The following PTBP2 variants were observed in gnomAD, a reference collection of about 807,000 sequenced individuals.
PTBP2 encodes the protein polypyrimidine tract-binding protein 2.
Under a neutral mutation model 61.4 loss-of-function variants are expected in PTBP2, and 13 were observed. The observed-to-expected ratio is 0.21, with a 90% CI of 0.14 to 0.34. PTBP2 has a LOEUF of 0.34. Ranked by LOEUF, PTBP2 falls within the 10% of genes least tolerant of loss-of-function variation. The pLI is 1.00. For missense variants in PTBP2, 405 were observed against 642.6 expected (o/e 0.63, Z 4.00); for synonymous variants, 215 against 218.5 (o/e 0.98, Z 0.14).
intron 8 of PTBP2, among the ~76,000 whole-genome samples, chr1:96,787,349 C>G (rs1184680048): frequency 6.6e-6 from 1 of 152,130 alleles, no homozygotes; most frequent in Non-Finnish European, 1.5e-5. Context: ...GAGCGTTGTA[C>G]ATTTTTACAT....
chr1:96,750,575 A>G (rs1654414112), intron 2 of PTBP2, among the ~76,000 whole-genome samples: 1 of 152,130 alleles, frequency 6.6e-6, no homozygotes, highest in Middle Eastern at 3.4e-3. Flanking sequence ...GGACTTTCTG[A>G]AATGCTTTGA....
intron 8 of PTBP2, among the ~76,000 whole-genome samples, chr1:96,796,915 A>G (rs1243788835): frequency 6.6e-6 from 1 of 152,236 alleles, no homozygotes; most frequent in Admixed American, 6.5e-5. Context: ...GACCATTACA[A>G]AAAGAGACAG....
chr1:96,778,517 T>G (rs1484920046), intron 7 of PTBP2, among the ~76,000 whole-genome samples: 1 of 152,102 alleles, frequency 6.6e-6, no homozygotes, highest in Non-Finnish European at 1.5e-5. Flanking sequence ...AGGCTGCCAC[T>G]GAAAACTGCG....
chr1:96,763,628 G>GAGGGAT (rs1656308826), intron 3 of PTBP2, among the ~76,000 whole-genome samples: 1 of 123,940 alleles, frequency 8.1e-6, no homozygotes, highest in African/African-American at 3.0e-5. Flanking sequence ...GGGGGAGGGG[G>GAGGGAT]AGGGCTGTTC....
At position 96,791,826 on chromosome 1, in the gene PTBP2, C is replaced by CTTTTTTTTGTTTTTTTTTTGTTTT. The variant is rs1482989030; in HGVS notation, c.904+6580_904+6581insGTTTTTTTTTTGTTTTTTTTTTTT. ...TCCACCTCTGTTGCTTGGAGTTGTG[C>CTTTTTTTTGTTTTTTTTTTGTTTT]TTTTTTTTTTTTTTTTTTTTTTTGA... On this transcript the variant is annotated intron_variant, in intron 8 of 13. Coordinates refer to ENST00000674951, the MANE Select transcript of PTBP2 (RefSeq NM_021190.4). 1.8e-4 allele frequency among the ~76,000 whole-genome samples: 12 copies of CTTTTTTTTGTTTTTTTTTTGTTTT among 66,126 alleles called. 1 individual carries two copies. Among genetic ancestry groups the CTTTTTTTTGTTTTTTTTTTGTTTT allele is most frequent in the African/African-American group, 4.9e-4 (6 of 12,208 alleles). The allele number at this position is 66,126 out of a possible 152,430, so 43.4% of individuals were successfully genotyped here. A position where few individuals can be genotyped will look rare whatever the true frequency, so the allele number is the denominator to read the frequency against.
intron 3 of PTBP2, among the ~76,000 whole-genome samples, chr1:96,768,095 A>G (rs187598064): frequency 6.6e-6 from 1 of 152,220 alleles, no homozygotes; most frequent in African/African-American, 2.4e-5. Flanking sequence ...TAAAGTCATT[A>G]CTACTATCAA....
intron 2 of PTBP2, among the ~76,000 whole-genome samples, chr1:96,739,814 G>T (rs1295553896): frequency 6.6e-6 from 1 of 151,190 alleles, no homozygotes; most frequent in Admixed American, 6.6e-5. Flanking sequence ...TTTTAGTAGA[G>T]ACGGGGTTTC....
chr1:96,760,782 A>G (rs1347020634), intron 3 of PTBP2, among the ~76,000 whole-genome samples: 1 of 152,124 alleles, frequency 6.6e-6, no homozygotes, highest in Non-Finnish European at 1.5e-5. Context: ...ACATTAACCT[A>G]TTTTATGGTC....
chr1:96,725,464 T>C (rs1457306552), intron 2 of PTBP2, among the ~76,000 whole-genome samples: 2 of 152,076 alleles, frequency 1.3e-5, no homozygotes, highest in Non-Finnish European at 1.5e-5. Context: ...CACGCCCGGC[T>C]AATTTTTTGT....
intron 2 of PTBP2, among the ~76,000 whole-genome samples, chr1:96,742,774 G>A (rs1031722592): frequency 2.0e-5 from 3 of 149,982 alleles, no homozygotes; most frequent in Non-Finnish European, 4.4e-5. Context: ...TTTTTCTGTT[G>A]GATAATATTA....
chr1:96,800,391 C>T lies in PTBP2; in HGVS notation c.905-4409C>T, dbSNP rs547544085. Among the ~76,000 whole-genome samples the T allele has an allele frequency of 6.4e-5, 8 of 124,786 alleles. No homozygotes were observed. The East Asian group carries it at 2.0e-3, about 30-fold the overall frequency. The allele number at this position is 124,786 out of a possible 152,430, so 81.9% of individuals were successfully genotyped here. On this transcript the variant is annotated intron_variant, in intron 8 of 13. Transcript: ENST00000674951. Reference sequence around the variant, plus strand: ...ATTATTTAGTAAAAGGTAGCATTCTCTGGCTTTTTTTTTTTTTTTTTTTAA... The same window carrying T: ...ATTATTTAGTAAAAGGTAGCATTCTTTGGCTTTTTTTTTTTTTTTTTTTAA...
chr1:96,779,833 C>T (rs144091360), intron 7 of PTBP2, among the ~76,000 whole-genome samples: 1 of 152,014 alleles, frequency 6.6e-6, no homozygotes, highest in African/African-American at 2.4e-5. Flanking sequence ...TTTTACTTGC[C>T]TGCATCTGGG....
At chr1:96,767,210 A>C (rs1426598328) in intron 3 of PTBP2, among the ~76,000 whole-genome samples, 1 of 152,086 alleles carries the variant, frequency 6.6e-6, no homozygotes, top group Non-Finnish European at 1.5e-5. Context: ...CTTAATATCC[A>C]CTATCCAGAA....
rs569165961 is a variant in PTBP2 at position 96,814,285 on chromosome 1, T to G, written c.*880T>G. On this transcript the variant is annotated 3_prime_UTR_variant, in exon 14 of 14. Coordinates refer to ENST00000674951, the MANE Select transcript of PTBP2 (RefSeq NM_021190.4). ...GCCATCCTTAGTTTGTAATTAAGAT[T>G]TGGAATATGGTTGTGGATTTCTGAG... The G allele has an allele frequency of 2.6e-5, 4 of 152,522 alleles. No individual in the cohort carries two copies. The highest frequency in any genetic ancestry group is 5.9e-5 in the Non-Finnish European group (4 of 67,960). 9.4% of individuals were successfully genotyped at this position (152,522 alleles called of 1,614,324 possible).
intron 8 of PTBP2, among the ~76,000 whole-genome samples, chr1:96,800,389 C>A (rs1224135271): frequency 7.8e-6 from 1 of 128,958 alleles, no homozygotes; most frequent in African/African-American, 3.1e-5. Flanking sequence ...AGGTAGCATT[C>A]TCTGGCTTTT....
At chr1:96,792,295 T>C (rs1187477944) in intron 8 of PTBP2, among the ~76,000 whole-genome samples, 2 of 152,202 alleles carry the variant, frequency 1.3e-5, no homozygotes, top group Non-Finnish European at 2.9e-5. Flanking sequence ...TCTTAGCCCT[T>C]TACAAGTAAG....
At position 96,813,545 on chromosome 1, in the gene PTBP2, T is replaced by A. The variant is rs764030235; in HGVS notation, c.*140T>A. ...TTTCTTTTTTTTTTCCATGCTGTTATCATTCCTTGGTTATAAAATGAAATG... is the reference window on the plus strand; with the variant it reads ...TTTCTTTTTTTTTTCCATGCTGTTAACATTCCTTGGTTATAAAATGAAATG... On this transcript the variant is annotated 3_prime_UTR_variant, in exon 14 of 14. Transcript: ENST00000674951. The A allele has an allele frequency of 3.8e-6, 3 of 782,114 alleles. No homozygotes were observed. Among genetic ancestry groups the A allele is most frequent in the Admixed American group, 3.8e-5 (1 of 26,484 alleles). The allele number at this position is 782,114 out of a possible 1,614,324, so 48.4% of individuals were successfully genotyped here.
At chr1:96,802,411 A>T (rs1005312608) in intron 8 of PTBP2, among the ~76,000 whole-genome samples, 2 of 152,116 alleles carry the variant, frequency 1.3e-5, no homozygotes, top group Non-Finnish European at 2.9e-5. Context: ...TATAAGAGTC[A>T]AGAGATGTAC....
downstream of PTBP2, chr1:96,815,079 T>TG (rs1662419395): frequency 6.6e-6 from 1 of 152,566 alleles, no homozygotes; most frequent in Non-Finnish European, 1.5e-5. Context: ...ATTTAAAAGA[T>TG]GGTAACTGCT....
Sources: allele counts gnomAD v4.1 joint callset (sites outside exome capture counted in the v4.1 genomes callset), GRCh38; gene constraint gnomAD v4.1.1; transcripts MANE v1.5; gene names NCBI Gene and HGNC (gene_info 2026-07-23, HGNC 2026-07-21).